WDR41: variants seen among roughly 807,000 people sequenced by gnomAD.
WDR41 encodes WD repeat domain 41.
In WDR41, 63 loss-of-function variants were observed where a neutral mutation model predicts 69.3. The observed-to-expected ratio is 0.91, with a 90% confidence interval of 0.74 to 1.12. WDR41 has a LOEUF of 1.12. WDR41 is among the 50% of genes most tolerant of loss of function. WDR41 has a pLI of 0.00. For synonymous variants in WDR41, 185 were observed against 192.1 expected (o/e 0.96, Z 0.31); for missense variants, 543 against 534.5 (o/e 1.02, Z -0.16).
chr5:77,600,005 C>T (rs12019306), intron 1 of WDR41, among the ~76,000 whole-genome samples: 10,559 of 152,286 alleles, frequency 0.069, 539 homozygotes, highest in Non-Finnish European at 0.098. Flanking sequence ...GTAACATTCT[C>T]TTGCGGATCA....
chr5:77,498,836 A>C (rs921471062), intron 1 of WDR41, among the ~76,000 whole-genome samples: 15 of 151,076 alleles, frequency 9.9e-5, no homozygotes, highest in African/African-American at 3.4e-4. Context: ...AAAAGAAAAA[A>C]GAAAAAGAAA....
At chr5:77,462,979 C>A in intron 4 of WDR41, 116 bp downstream of exon 4, 1 of 1,164,500 alleles carries the variant, frequency 8.6e-7, no homozygotes, top group African/African-American at 1.6e-5. Context: ...GAACAAAAAT[C>A]ATTTTTGCTA....
chr5:77,441,406 A>C (rs1287988443), intron 8 of WDR41, among the ~76,000 whole-genome samples: 1 of 152,154 alleles, frequency 6.6e-6, no homozygotes, highest in Non-Finnish European at 1.5e-5. Context: ...GCTCTAACGG[A>C]AGCAGAGTGG....
At chr5:77,533,059 T>C (rs1742886010) in intron 1 of WDR41, among the ~76,000 whole-genome samples, 1 of 152,190 alleles carries the variant, frequency 6.6e-6, no homozygotes, top group South Asian at 2.1e-4. Context: ...TGGACAAGCA[T>C]ATCAGGAAAT....
intron 11 of WDR41, 145 bp downstream of exon 11, chr5:77,437,191 T>G: frequency 1.5e-6 from 1 of 675,216 alleles, no homozygotes; most frequent in South Asian, 1.8e-5. Context: ...TAGATCTCAA[T>G]TACCATATGC....
chr5:77,599,978 T>C (rs768333673), intron 1 of WDR41, among the ~76,000 whole-genome samples: 5 of 152,336 alleles, frequency 3.3e-5, no homozygotes, highest in South Asian at 2.1e-4. Flanking sequence ...TTTGTGGTTA[T>C]GGTCACATAT....
rs369982327 is a variant in WDR41 at position 77,464,909 on chromosome 5, T to C, written c.168-100A>G. On this transcript the variant is annotated intron_variant, in intron 2 of 12. Coordinates refer to ENST00000296679, the MANE Select transcript of WDR41 (RefSeq NM_018268.4). ...CTTATTAGTGGTATTTTGACTAATA[T>C]TAACGAAGATCAAGTTATTTCAGCT... 904 of 1,164,108 alleles carry C rather than the reference T, an allele frequency of 7.8e-4. No homozygotes were observed. In the African/African-American group the frequency reaches 9.8e-3, roughly 13 times the overall value. 72.1% of individuals were successfully genotyped at this position (1,164,108 alleles called of 1,614,324 possible). A position where few individuals can be genotyped will look rare whatever the true frequency, so the allele number is the denominator to read the frequency against.
chr5:77,511,457 T>A (rs867306663), intron 1 of WDR41, among the ~76,000 whole-genome samples: 1 of 152,252 alleles, frequency 6.6e-6, no homozygotes, highest in Non-Finnish European at 1.5e-5. Context: ...GCATTTGTGA[T>A]GACAGAAATC....
chr5:77,453,785 T>C (rs1252814179), intron 6 of WDR41, 32 bp downstream of exon 6: 1 of 1,537,966 alleles, frequency 6.5e-7, no homozygotes, highest in Non-Finnish European at 9.0e-7. Flanking sequence ...AGTCTGTCAA[T>C]CATAGTTCAA....
intron 1 of WDR41, among the ~76,000 whole-genome samples, chr5:77,490,990 G>A (rs1801751290): frequency 1.3e-5 from 2 of 152,172 alleles, no homozygotes; most frequent in African/African-American, 2.4e-5. Context: ...GAAATAAAAT[G>A]CAATTCACAA....
At chr5:77,599,414 G>T (rs1273962464) in intron 1 of WDR41, among the ~76,000 whole-genome samples, 1 of 151,942 alleles carries the variant, frequency 6.6e-6, no homozygotes, top group Non-Finnish European at 1.5e-5. Flanking sequence ...TGGCTAGGCT[G>T]GTCTTGAACT....
intron 1 of WDR41, among the ~76,000 whole-genome samples, chr5:77,607,022 C>A (rs1472667833): frequency 6.7e-6 from 1 of 150,330 alleles, no homozygotes; most frequent in Non-Finnish European, 1.5e-5. Flanking sequence ...AAGACACAAA[C>A]AGGATTAGAA....
At chr5:77,617,452 A>G (rs995724376) in intron 1 of WDR41, among the ~76,000 whole-genome samples, 6 of 152,238 alleles carry the variant, frequency 3.9e-5, no homozygotes, top group Admixed American at 3.3e-4. Flanking sequence ...GCAAGCATCT[A>G]TAGAATCAGA....
intron 1 of WDR41, among the ~76,000 whole-genome samples, chr5:77,515,422 A>G (rs1802278315): frequency 1.3e-5 from 2 of 152,302 alleles, no homozygotes; most frequent in East Asian, 3.9e-4. Flanking sequence ...GTCATCTATT[A>G]TGACAACAAT....
chr5:77,593,818 A>G (rs1186987150), intron 1 of WDR41, among the ~76,000 whole-genome samples: 1 of 152,126 alleles, frequency 6.6e-6, no homozygotes, highest in African/African-American at 2.4e-5. Context: ...TCTCTCTTTT[A>G]TGTTAGATTT....
At chr5:77,498,558 C>T (rs143835570) in intron 1 of WDR41, among the ~76,000 whole-genome samples, 1 of 152,062 alleles carries the variant, frequency 6.6e-6, no homozygotes, top group Non-Finnish European at 1.5e-5. Flanking sequence ...GTGTCTCAAG[C>T]CTATAATCCC....
chr5:77,450,609 G>T (rs1441282099), intron 7 of WDR41, among the ~76,000 whole-genome samples: 10 of 152,026 alleles, frequency 6.6e-5, no homozygotes, highest in African/African-American at 2.4e-4. Flanking sequence ...ATGTGAATAA[G>T]GCCCAGTCAC....
intron 2 of WDR41, among the ~76,000 whole-genome samples, chr5:77,469,296 A>G (rs1800451228): frequency 1.3e-5 from 2 of 152,286 alleles, no homozygotes; most frequent in South Asian, 4.2e-4. Flanking sequence ...AATGTAAATG[A>G]TGAGTTAATC....
rs145384377 is a variant in WDR41 at position 77,588,455 on chromosome 5, T to C, written c.42+32024A>G. On this transcript the variant is annotated intron_variant, in intron 1 of 5. Transcript: ENST00000509971. ...AAGTCCATATAGAAGTGATTTTTTGTGTGTAACATAAGATAAAGATAAAGA... is the reference window on the plus strand; with the variant it reads ...AAGTCCATATAGAAGTGATTTTTTGCGTGTAACATAAGATAAAGATAAAGA... Among the ~76,000 whole-genome samples the C allele has an allele frequency of 1.5e-3, 225 of 152,346 alleles. 6 individuals are homozygous for C. In the East Asian group the frequency reaches 0.028, roughly 19 times the overall value.
Sources: gnomAD v4.1 joint callset for allele counts (sites outside exome capture counted in the v4.1 genomes callset) on GRCh38, gnomAD v4.1.1 for gene constraint, MANE v1.5 for transcripts, NCBI Gene and HGNC (gene_info 2026-07-23, HGNC 2026-07-21) for gene names.